Variants in PTPRD observed in about 807,000 individuals in gnomAD.
The protein encoded by PTPRD is receptor-type tyrosine-protein phosphatase delta.
In PTPRD, 34 loss-of-function variants were observed where a neutral mutation model predicts 214.5. The ratio of observed to expected loss-of-function variants is 0.16; its 90% CI spans 0.12 to 0.21. The LOEUF (loss-of-function observed/expected upper bound fraction) is 0.21. Among genes scored for constraint, PTPRD ranks in the 10% least tolerant of loss-of-function variants. PTPRD has a pLI of 1.00. For missense variants in PTPRD, 2,545 were observed against 2,398.7 expected (o/e 1.06, Z -1.27); for synonymous variants, 1,128 against 845.7 (o/e 1.33, Z -5.79).
intron 3 of PTPRD, among the ~76,000 whole-genome samples, chr9:10,050,631 G>A (rs575908474): frequency 4.8e-5 from 7 of 144,746 alleles, no homozygotes; most frequent in East Asian, 4.3e-4. Flanking sequence ...TTGATTTGGG[G>A]CAATAAAACT....
At chr9:9,642,861 T>G in intron 7 of PTPRD, among the ~76,000 whole-genome samples, 1 of 152,188 alleles carries the variant, frequency 6.6e-6, no homozygotes, top group East Asian at 1.9e-4. Flanking sequence ...GAGAACATAT[T>G]TAGGGTCCCA....
At chr9:8,592,580 G>A (rs2094190612) in intron 14 of PTPRD, among the ~76,000 whole-genome samples, 1 of 152,074 alleles carries the variant, frequency 6.6e-6, no homozygotes, top group Admixed American at 6.6e-5. Flanking sequence ...TGACTGTCCT[G>A]ATTCTACAGT....
At chr9:9,611,377 T>A (rs1486424041) in intron 7 of PTPRD, among the ~76,000 whole-genome samples, 1 of 152,196 alleles carries the variant, frequency 6.6e-6, no homozygotes, top group Admixed American at 6.5e-5. Flanking sequence ...TATAAATTTT[T>A]TTTCAAATTT....
At chr9:8,984,469 T>G (rs4742554) in intron 11 of PTPRD, among the ~76,000 whole-genome samples, 102,800 of 151,942 alleles carry the variant, frequency 0.68, 35,464 homozygotes, top group African/African-American at 0.81. Context: ...AACACAAAAT[T>G]ATAAAGCATC....
chr9:8,493,026 T>C (rs748103014), intron 26 of PTPRD, 47 bp from the exon 27 acceptor site: 1 of 1,486,450 alleles, frequency 6.7e-7, no homozygotes, highest in Non-Finnish European at 9.4e-7. Flanking sequence ...ATGCTACTAA[T>C]GCTCTGGGGG....
chr9:8,768,262 G>A (rs1386536849), intron 11 of PTPRD, among the ~76,000 whole-genome samples: 1 of 152,028 alleles, frequency 6.6e-6, no homozygotes, highest in East Asian at 1.9e-4. Flanking sequence ...AATAACACTG[G>A]GTATAATGGT....
chr9:8,375,003 G>A (rs1316645570), intron 39 of PTPRD, among the ~76,000 whole-genome samples: 2 of 151,836 alleles, frequency 1.3e-5, no homozygotes, highest in East Asian at 1.9e-4. Flanking sequence ...CACGATAGAA[G>A]TGATTTACGA....
chr9:9,049,744 G>C (rs1004253543), intron 10 of PTPRD, among the ~76,000 whole-genome samples: 1 of 152,130 alleles, frequency 6.6e-6, no homozygotes, highest in Non-Finnish European at 1.5e-5. Flanking sequence ...ATAATACTGA[G>C]TGGCTGCATT....
At chr9:10,062,472 G>A (rs1374197313) in intron 3 of PTPRD, among the ~76,000 whole-genome samples, 1 of 152,028 alleles carries the variant, frequency 6.6e-6, no homozygotes, top group East Asian at 1.9e-4. Context: ...TGGGCGTGGT[G>A]GCAGCAGCCT....
intron 2 of PTPRD, among the ~76,000 whole-genome samples, chr9:10,383,121 T>C (rs2097852901): frequency 6.6e-6 from 1 of 151,926 alleles, no homozygotes; most frequent in Admixed American, 6.6e-5. Flanking sequence ...TTCACTTAGC[T>C]TGTCTTTATA....
intron 11 of PTPRD, among the ~76,000 whole-genome samples, chr9:8,866,962 A>G (rs901799970): frequency 2.0e-5 from 3 of 152,202 alleles, no homozygotes; most frequent in Non-Finnish European, 4.4e-5. Context: ...GCAAAATGTT[A>G]TAAGCGGGGA....
chr9:9,211,774 T>A (rs1260643257), intron 9 of PTPRD, among the ~76,000 whole-genome samples: 1 of 151,944 alleles, frequency 6.6e-6, no homozygotes, highest in Non-Finnish European at 1.5e-5. Flanking sequence ...TGTCATTTAA[T>A]CCTCATAAAT....
intron 2 of PTPRD, among the ~76,000 whole-genome samples, chr9:10,520,207 T>C (rs1232578108): frequency 6.6e-6 from 1 of 152,188 alleles, no homozygotes; most frequent in Non-Finnish European, 1.5e-5. Context: ...GCAAAAGTGC[T>C]ACTCCAGTGA....
At chr9:9,735,328 A>T (rs1419985487) in intron 6 of PTPRD, among the ~76,000 whole-genome samples, 3 of 152,128 alleles carry the variant, frequency 2.0e-5, no homozygotes, top group Admixed American at 2.0e-4. Flanking sequence ...TTATTATTAT[A>T]AAATAAAGGA....
Position 10,589,373 on chromosome 9 carries a change from G to T in PTPRD, c.-600+23025C>A, listed in dbSNP as rs187378450. ...GGAAAGAAAGGAAATTATCAGTGAA[G>T]TGTGGGACCAGTCACTCAGATTAAT... On this transcript the variant is annotated intron_variant, in intron 2 of 45. Coordinates refer to ENST00000381196, the MANE Select transcript of PTPRD (RefSeq NM_002839.4). Among the ~76,000 whole-genome samples the T allele has an allele frequency of 1.6e-3, 242 of 152,122 alleles. 2 individuals carry two copies. The highest frequency in any genetic ancestry group is 5.7e-3 in the African/African-American group (235 of 41,518).
chr9:8,660,124 A>G (rs1460541347), intron 12 of PTPRD, among the ~76,000 whole-genome samples: 1 of 152,240 alleles, frequency 6.6e-6, no homozygotes, highest in Admixed American at 6.5e-5. Flanking sequence ...CAAAAAGCAA[A>G]CATACCCACC....
chr9:8,898,936 T>C (rs1021433677), intron 11 of PTPRD, among the ~76,000 whole-genome samples: 1 of 152,102 alleles, frequency 6.6e-6, no homozygotes, highest in Non-Finnish European at 1.5e-5. Flanking sequence ...AGCAAAAATA[T>C]AACTAGGAAG....
chr9:10,088,592 G>C lies in PTPRD; in HGVS notation c.-544-54802C>G, dbSNP rs530051706. Among the ~76,000 whole-genome samples the C allele has an allele frequency of 2.0e-4, 30 of 151,836 alleles. 1 individual carries two copies. The highest frequency in any genetic ancestry group is 4.6e-4 in the Admixed American group (7 of 15,202). ...TCCATTTCATCTTCAGGAAGATAAA[G>C]GAACTGGAGTTTTACTGAACACAAA... On this transcript the variant is annotated intron_variant, in intron 3 of 45. Transcript: ENST00000381196.
rs371556929 is a variant in PTPRD, at chr9:8,999,612, C to G, written c.-104+19085G>C. On this transcript the variant is annotated intron_variant, in intron 11 of 45. Transcript: ENST00000381196. ...TTATTGCGGTGGTCTGGAACTGAACCTTTAATATCTCCGAGGTATGCTTTT... is the reference window on the plus strand; with the variant it reads ...TTATTGCGGTGGTCTGGAACTGAACGTTTAATATCTCCGAGGTATGCTTTT... Among the ~76,000 whole-genome samples, 9 of 151,942 alleles carry G rather than the reference C, an allele frequency of 5.9e-5. No individual in the cohort carries two copies. The East Asian group carries it at 1.7e-3, about 30-fold the overall frequency.
Sources: allele counts gnomAD v4.1 joint callset (sites outside exome capture counted in the v4.1 genomes callset), GRCh38; gene constraint gnomAD v4.1.1; transcripts MANE v1.5; gene names NCBI Gene and HGNC (gene_info 2026-07-23, HGNC 2026-07-21).